Variants in MORC1 observed in about 807,000 individuals in gnomAD.
The protein encoded by MORC1 is MORC family CW-type zinc finger protein 1.
A neutral mutation model predicts 134.9 loss-of-function variants in MORC1; 59 were observed. That is an observed-to-expected ratio of 0.44 (90% CI 0.35 to 0.54). MORC1 has a LOEUF of 0.54. Ranked by LOEUF, MORC1 falls within the 20% of genes least tolerant of loss-of-function variation. MORC1 has a pLI of 0.00. For missense variants in MORC1, 947 were observed against 1,134.5 expected, an observed-to-expected ratio of 0.83 and a Z score of 2.37; for synonymous variants, 395 against 391.7, an observed-to-expected ratio of 1.01 and a Z score of -0.10.
At chr3:109,047,616 T>A (rs1186332073) in intron 14 of MORC1, among the ~76,000 whole-genome samples, 1 of 152,094 alleles carries the variant, frequency 6.6e-6, no homozygotes. Context: ...GGAGCTGACA[T>A]GAAGTAATTA....
At chr3:109,022,760 C>G (rs774851344) in intron 17 of MORC1, among the ~76,000 whole-genome samples, 2 of 152,178 alleles carry the variant, frequency 1.3e-5, no homozygotes, top group African/African-American at 2.4e-5. Context: ...CTGCATAAAT[C>G]AAATTATTCT....
chr3:109,038,079 T>C (rs1949421560), intron 14 of MORC1, among the ~76,000 whole-genome samples: 1 of 152,244 alleles, frequency 6.6e-6, no homozygotes, highest in Non-Finnish European at 1.5e-5. Context: ...AGCATTCCTA[T>C]TTCTCCACAT....
intron 2 of MORC1, among the ~76,000 whole-genome samples, chr3:109,111,984 C>G (rs1217804304): frequency 6.6e-6 from 1 of 152,184 alleles, no homozygotes; most frequent in Non-Finnish European, 1.5e-5. Flanking sequence ...TTTGAAAATT[C>G]TCTTCCGATC....
At chr3:109,010,047 G>A (rs1241702139) in intron 17 of MORC1, among the ~76,000 whole-genome samples, 1 of 151,904 alleles carries the variant, frequency 6.6e-6, no homozygotes, top group African/African-American at 2.4e-5. Flanking sequence ...TCTATACCAG[G>A]GGACAGCAAA....
At chr3:108,965,083 T>TA (rs1947182183) in intron 26 of MORC1, among the ~76,000 whole-genome samples, 1 of 152,164 alleles carries the variant, frequency 6.6e-6, no homozygotes, top group South Asian at 2.1e-4. Flanking sequence ...AGGAATAACT[T>TA]AACTCAGCTG....
At chr3:109,070,324 G>A (rs1221421273) in intron 8 of MORC1, among the ~76,000 whole-genome samples, 2 of 152,094 alleles carry the variant, frequency 1.3e-5, no homozygotes, top group African/African-American at 4.8e-5. Context: ...AATGAAAAAG[G>A]AGAAAAGAGA....
chr3:109,076,957 C>A (rs1237316292), intron 8 of MORC1, among the ~76,000 whole-genome samples: 3 of 135,742 alleles, frequency 2.2e-5, no homozygotes, highest in Middle Eastern at 7.1e-3. Context: ...GCACATGTAT[C>A]CCAGAACTTA....
rs758873972 is a variant in MORC1, at chr3:109,093,519, G to A, written c.606C>T (p.Asn202=). ...GTTCTCCATTAAGCAGAAGCTTCAA[G>A]TTATAAATAACCAGCAAAGTACCTG... ...GKCGTLLVIY[N]LKLLLNGEPE... The change falls in exon 8 of 28, where the codon AAC becomes AAT. Residue 202 remains asparagine, a synonymous_variant. Coordinates refer to ENST00000232603, the MANE Select transcript of MORC1 (RefSeq NM_014429.4). The A allele has an allele frequency of 1.2e-6, 2 of 1,613,410 alleles. No individual in the cohort carries two copies. The highest frequency in any genetic ancestry group is 1.7e-6 in the Non-Finnish European group (2 of 1,179,458).
rs1947999154 is a variant in MORC1, at chr3:108,989,888, C to T, written c.2188-2939G>A. Among the ~76,000 whole-genome samples, 3 of 152,108 alleles carry T rather than the reference C, an allele frequency of 2.0e-5. No homozygotes were observed. The South Asian group carries it at 6.2e-4, about 32-fold the overall frequency. On this transcript the variant is annotated intron_variant, in intron 21 of 27. Transcript: ENST00000232603. ...CTGCTGATATGGTTTGGCTGTGTCC[C>T]CACCCAAATCTCATCTTGAATTGTA...
chr3:109,015,164 G>A (rs1219445488), intron 17 of MORC1, among the ~76,000 whole-genome samples: 5 of 151,940 alleles, frequency 3.3e-5, no homozygotes, highest in African/African-American at 1.2e-4. Context: ...GATTACAGGC[G>A]GGAGCCACCA....
At chr3:108,986,594 G>A (rs16855127) in intron 22 of MORC1, among the ~76,000 whole-genome samples, 5,041 of 152,160 alleles carry the variant, frequency 0.033, 266 homozygotes, top group African/African-American at 0.11. Flanking sequence ...ATTAGAAGGA[G>A]AATTCAAGAC....
chr3:109,036,945 TTA>T (rs1301927867), intron 14 of MORC1, among the ~76,000 whole-genome samples: 4 of 152,344 alleles, frequency 2.6e-5, no homozygotes, highest in Non-Finnish European at 5.9e-5. Context: ...CCGTGTTGAC[TTA>T]TGATTAACCC....
intron 21 of MORC1, 64 bp downstream of exon 21, chr3:109,000,492 AG>A (rs2107520412): frequency 1.7e-6 from 2 of 1,209,516 alleles, no homozygotes; most frequent in East Asian, 4.9e-5. Context: ...AGACACTAAC[AG>A]ATCCCTCTAA....
intron 9 of MORC1, 22 bp downstream of exon 9, chr3:109,069,610 T>A (rs1270412038): frequency 6.5e-7 from 1 of 1,550,114 alleles, no homozygotes; most frequent in Admixed American, 1.8e-5. Context: ...TCTGTGAAGA[T>A]AACTGAAGAA....
At chr3:109,014,057 T>C (rs560282860) in intron 17 of MORC1, among the ~76,000 whole-genome samples, 1 of 152,350 alleles carries the variant, frequency 6.6e-6, no homozygotes. Context: ...TGTTATAGTA[T>C]CACAAAAGAG....
At chr3:109,028,464 T>C (rs867299084) in intron 16 of MORC1, among the ~76,000 whole-genome samples, 1 of 152,178 alleles carries the variant, frequency 6.6e-6, no homozygotes, top group Non-Finnish European at 1.5e-5. Context: ...CCTGCCCAAG[T>C]GCTCTGCTGT....
chr3:108,997,601 T>C (rs1948269994), intron 21 of MORC1, among the ~76,000 whole-genome samples: 1 of 152,096 alleles, frequency 6.6e-6, no homozygotes, highest in East Asian at 1.9e-4. Flanking sequence ...CAATCAAGAA[T>C]TGAGGGACTC....
intron 14 of MORC1, among the ~76,000 whole-genome samples, chr3:109,053,124 A>G (rs1052868791): frequency 3.3e-5 from 5 of 151,496 alleles, no homozygotes; most frequent in African/African-American, 7.3e-5. Context: ...AAAAAAAAAA[A>G]TGTTGGTCAG....
chr3:108,976,405 A>G (rs1947561141), intron 24 of MORC1, among the ~76,000 whole-genome samples: 1 of 152,210 alleles, frequency 6.6e-6, no homozygotes, highest in Non-Finnish European at 1.5e-5. Context: ...AGCTGACCAC[A>G]ATCTTCATGC....
Sources: allele counts gnomAD v4.1 joint callset (sites outside exome capture counted in the v4.1 genomes callset), GRCh38; gene constraint gnomAD v4.1.1; transcripts MANE v1.5; gene names NCBI Gene and HGNC (gene_info 2026-07-23, HGNC 2026-07-21).